Variants in MIPEP observed in about 807,000 individuals in gnomAD.
MIPEP encodes the protein mitochondrial intermediate peptidase.
A neutral mutation model predicts 90.3 loss-of-function variants in MIPEP; 79 were observed. The ratio of observed to expected loss-of-function variants is 0.87; its 90% confidence interval spans 0.73 to 1.05. The LOEUF (loss-of-function observed/expected upper bound fraction) is 1.05, where lower values mean the gene tolerates loss of function less well. Among genes scored for constraint, MIPEP ranks in the 50% least tolerant of loss-of-function variants. MIPEP has a pLI of 0.00. For missense variants in MIPEP, 940 were observed against 905.6 expected (o/e 1.04, Z -0.49); for synonymous variants, 334 against 315.8 (o/e 1.06, Z -0.61).
At chr13:23,769,980 C>T (rs1383010769) in intron 16 of MIPEP, among the ~76,000 whole-genome samples, 1 of 152,202 alleles carries the variant, frequency 6.6e-6, no homozygotes, top group Non-Finnish European at 1.5e-5. Context: ...CATCTTGGGA[C>T]TCTGCGGCGT....
intron 10 of MIPEP, among the ~76,000 whole-genome samples, chr13:23,856,082 C>T (rs1870034889): frequency 6.6e-6 from 1 of 152,208 alleles, no homozygotes; most frequent in East Asian, 1.9e-4. Flanking sequence ...TTTGTTCTTG[C>T]AGAGCTTTAA....
At position 23,879,292 on chromosome 13, in the gene MIPEP, A is replaced by G; in HGVS notation, c.515T>C (p.Val172Ala). 1 of 1,605,782 alleles carries G rather than the reference A, an allele frequency of 6.2e-7. No homozygotes were observed. The highest frequency in any genetic ancestry group is 8.5e-7 in the Non-Finnish European group (1 of 1,172,760). Residue 172 changes from valine to alanine, a missense_variant, in exon 4 of 19, where the codon GTG (valine) becomes GCG (alanine). Transcript: ENST00000382172. ...LQKLLADKKL[V>A]DSLDPETRRV... ...CCTTGTTTCTGGATCAAGGGAATCCACAAGTTTTTTATCAGCTAGTAATTT... is the reference window on the plus strand; with the variant it reads ...CCTTGTTTCTGGATCAAGGGAATCCGCAAGTTTTTTATCAGCTAGTAATTT...
At chr13:23,791,011 C>T (rs527599412) in intron 16 of MIPEP, among the ~76,000 whole-genome samples, 1 of 152,230 alleles carries the variant, frequency 6.6e-6, no homozygotes, top group Non-Finnish European at 1.5e-5. Context: ...ACAATCACAC[C>T]CTGTCTTTTC....
intron 18 of MIPEP, among the ~76,000 whole-genome samples, chr13:23,741,273 G>A (rs1952325648): frequency 6.6e-6 from 1 of 152,098 alleles, no homozygotes; most frequent in Non-Finnish European, 1.5e-5. Context: ...ATTCCTCAAA[G>A]AGCTAAAAAT....
chr13:23,779,901 G>C (rs765020612), intron 16 of MIPEP, among the ~76,000 whole-genome samples: 1 of 152,218 alleles, frequency 6.6e-6, no homozygotes, highest in Non-Finnish European at 1.5e-5. Flanking sequence ...GCAGCAGCGA[G>C]GCTGGGGGAG....
At chr13:23,864,407 A>G (rs770731330) in intron 7 of MIPEP, among the ~76,000 whole-genome samples, 3 of 152,140 alleles carry the variant, frequency 2.0e-5, no homozygotes, top group Non-Finnish European at 4.4e-5. Flanking sequence ...TTGGCATACT[A>G]ATAATCCACA....
intron 2 of MIPEP, among the ~76,000 whole-genome samples, chr13:23,883,062 A>G (rs1264510204): frequency 6.6e-6 from 1 of 152,204 alleles, no homozygotes; most frequent in African/African-American, 2.4e-5. Flanking sequence ...TTATAACAGT[A>G]CTAATCTCAC....
intron 5 of MIPEP, among the ~76,000 whole-genome samples, chr13:23,870,410 C>T (rs1870745798): frequency 6.6e-6 from 1 of 151,870 alleles, no homozygotes. Flanking sequence ...ACAAAAAGAT[C>T]ATACTTATGG....
intron 11 of MIPEP, among the ~76,000 whole-genome samples, chr13:23,840,281 C>A (rs537634324): frequency 2.0e-5 from 3 of 152,132 alleles, no homozygotes; most frequent in African/African-American, 7.2e-5. Context: ...TCAAAGAGAA[C>A]CCCGATTTTG....
intron 18 of MIPEP, among the ~76,000 whole-genome samples, chr13:23,744,084 G>T (rs1211427207): frequency 6.6e-6 from 1 of 152,206 alleles, no homozygotes; most frequent in Admixed American, 6.5e-5. Context: ...TGCAAGAAAA[G>T]CAGCTTTCTG....
intron 1 of MIPEP, chr13:23,888,648 T>C (rs1407577213): frequency 1.1e-6 from 1 of 908,850 alleles, no homozygotes; most frequent in Non-Finnish European, 1.3e-6. Context: ...AATTAATAGA[T>C]GATGGAATTT....
intron 10 of MIPEP, among the ~76,000 whole-genome samples, chr13:23,848,935 G>C (rs946163314): frequency 2.0e-5 from 3 of 152,230 alleles, no homozygotes; most frequent in African/African-American, 7.2e-5. Context: ...GTTTCCCGCA[G>C]CTCCAACCCA....
At chr13:23,769,594 G>A (rs927825622) in intron 16 of MIPEP, among the ~76,000 whole-genome samples, 3 of 152,162 alleles carry the variant, frequency 2.0e-5, no homozygotes, top group African/African-American at 7.2e-5. Context: ...CTATAACTGG[G>A]CTTTGTGGGC....
intron 10 of MIPEP, among the ~76,000 whole-genome samples, chr13:23,850,337 T>G (rs1452697798): frequency 6.6e-6 from 1 of 152,108 alleles, no homozygotes; most frequent in Non-Finnish European, 1.5e-5. Flanking sequence ...AAGGTAGCAG[T>G]AAAGGAACTG....
intron 11 of MIPEP, among the ~76,000 whole-genome samples, chr13:23,840,340 G>A (rs1295766621): frequency 6.6e-6 from 1 of 152,152 alleles, no homozygotes; most frequent in Non-Finnish European, 1.5e-5. Context: ...TCAAACATCT[G>A]TTAAGCACCT....
At chr13:23,871,688 T>C (rs1242155900) in intron 5 of MIPEP, among the ~76,000 whole-genome samples, 1 of 152,184 alleles carries the variant, frequency 6.6e-6, no homozygotes, top group Non-Finnish European at 1.5e-5. Context: ...GCTGAAAAAA[T>C]TGAGTATATA....
At chr13:23,758,474 GTA>G (rs150812685) in intron 17 of MIPEP, among the ~76,000 whole-genome samples, 4 of 152,254 alleles carry the variant, frequency 2.6e-5, no homozygotes, top group Non-Finnish European at 5.9e-5. Context: ...ATTTAGAAAC[GTA>G]TATATTTTAT....
intron 5 of MIPEP, among the ~76,000 whole-genome samples, chr13:23,873,110 C>G (rs973106376): frequency 6.6e-6 from 1 of 152,084 alleles, no homozygotes; most frequent in African/African-American, 2.4e-5. Context: ...AAAATTCCAC[C>G]TGGGGGACTG....
intron 16 of MIPEP, among the ~76,000 whole-genome samples, chr13:23,771,562 CACACACAT>C (rs964401919): frequency 7.9e-5 from 12 of 151,094 alleles, no homozygotes; most frequent in African/African-American, 2.2e-4. Flanking sequence ...CACACACACA[CACACACAT>C]CTGCATTTCT....
Sources: gnomAD v4.1 joint callset for allele counts (sites outside exome capture counted in the v4.1 genomes callset) on GRCh38, gnomAD v4.1.1 for gene constraint, MANE v1.5 for transcripts, NCBI Gene and HGNC (gene_info 2026-07-23, HGNC 2026-07-21) for gene names.